EXOC6B: variants seen among roughly 807,000 people sequenced by gnomAD.
EXOC6B encodes the protein exocyst complex component 6B, also known as SEC15 homolog B.
Under a neutral mutation model 113.5 loss-of-function variants are expected in EXOC6B, and 54 were observed. The observed-to-expected ratio is 0.48, with a 90% confidence interval of 0.38 to 0.60. The LOEUF is 0.60. Among genes scored for constraint, EXOC6B ranks in the 20% least tolerant of loss-of-function variants. EXOC6B has a pLI of 0.00. For synonymous variants in EXOC6B, 357 were observed against 339.0 expected (o/e 1.05, Z -0.58); for missense variants, 797 against 977.5 (o/e 0.82, Z 2.46).
At chr2:72,489,967 C>T (rs1699654241) in intron 16 of EXOC6B, among the ~76,000 whole-genome samples, 1 of 152,080 alleles carries the variant, frequency 6.6e-6, no homozygotes, top group Non-Finnish European at 1.5e-5. Flanking sequence ...ACAGAGCAAA[C>T]ACTGTGTAAC....
In EXOC6B at chr2:72,176,941, C is replaced by T. The variant is rs1444177923; in HGVS notation, c.*2394G>A. 1 of 152,164 alleles carries T rather than the reference C, an allele frequency of 6.6e-6. No individual in the cohort carries two copies. The highest frequency in any genetic ancestry group is 1.5e-5 in the Non-Finnish European group (1 of 68,022). The allele number at this position is 152,164 out of a possible 1,614,324, so 9.4% of individuals were successfully genotyped here. On this transcript the variant is annotated 3_prime_UTR_variant, in exon 22 of 22. Coordinates refer to ENST00000272427, the MANE Select transcript of EXOC6B (RefSeq NM_015189.3). Reference sequence around the variant, plus strand: ...CAAGTCCTCTCAAGGGTTGGCCCAGCTACAGGTTATAGACAAAACTAAAAA... The same window carrying T: ...CAAGTCCTCTCAAGGGTTGGCCCAGTTACAGGTTATAGACAAAACTAAAAA...
intron 6 of EXOC6B, among the ~76,000 whole-genome samples, chr2:72,655,431 T>C (rs1305481451): frequency 6.6e-6 from 1 of 151,942 alleles, no homozygotes; most frequent in East Asian, 1.9e-4. Flanking sequence ...GAAGATACAT[T>C]CTGAAGAGAA....
intron 1 of EXOC6B, among the ~76,000 whole-genome samples, chr2:72,761,045 T>C (rs537465197): frequency 6.6e-6 from 1 of 152,170 alleles, no homozygotes; most frequent in East Asian, 1.9e-4. Context: ...CTGGGTGTGG[T>C]GGTGTGCACC....
chr2:72,807,949 A>G (rs1264431059), intron 1 of EXOC6B, among the ~76,000 whole-genome samples: 1 of 152,212 alleles, frequency 6.6e-6, no homozygotes, highest in East Asian at 1.9e-4. Context: ...ACTAACTAAA[A>G]GATTATAACT....
intron 19 of EXOC6B, among the ~76,000 whole-genome samples, chr2:72,344,672 T>G (rs1330851053): frequency 6.6e-6 from 1 of 152,164 alleles, no homozygotes; most frequent in Non-Finnish European, 1.5e-5. Context: ...ATATGTAAAC[T>G]CAGGTCCTCT....
intron 18 of EXOC6B, among the ~76,000 whole-genome samples, chr2:72,443,720 T>C (rs553940418): frequency 3.9e-5 from 6 of 152,274 alleles, no homozygotes; most frequent in African/African-American, 1.4e-4. Context: ...GGAACTCCCC[T>C]TTTTAAAAAC....
intron 19 of EXOC6B, among the ~76,000 whole-genome samples, chr2:72,357,779 G>A (rs927793150): frequency 6.6e-6 from 1 of 151,858 alleles, no homozygotes; most frequent in Non-Finnish European, 1.5e-5. Context: ...ACACATTACC[G>A]CTTCTGTTTA....
At chr2:72,265,947 T>G (rs1684052695) in intron 20 of EXOC6B, among the ~76,000 whole-genome samples, 1 of 151,948 alleles carries the variant, frequency 6.6e-6, no homozygotes, top group African/African-American at 2.4e-5. Flanking sequence ...ATTGCCATTC[T>G]AACTGGTGTG....
At chr2:72,212,618 T>C (rs989971479) in intron 20 of EXOC6B, among the ~76,000 whole-genome samples, 3 of 152,228 alleles carry the variant, frequency 2.0e-5, no homozygotes, top group African/African-American at 7.2e-5. Context: ...TTGCAACTTG[T>C]ATCCTTCCAG....
chr2:72,733,096 C>G lies in EXOC6B; in HGVS notation c.302G>C (p.Arg101Thr). The G allele has an allele frequency of 6.3e-7, 1 of 1,593,724 alleles. No individual in the cohort carries two copies. Among genetic ancestry groups the G allele is most frequent in the African/African-American group, 1.3e-5 (1 of 74,768 alleles). ...TTCCTTTCCCTCATGTTGTAGTTTT[C>G]TATTAGTATCCGTCACTTGATTCTG... ...KLKNQVTDTN[R>T]KLQHEGKELV... is the part of the protein sequence containing the mutation. The change falls in exon 3 of 22, where the codon AGA (arginine) becomes ACA (threonine). Residue 101 changes from arginine (R) to threonine (T), a missense_variant. Coordinates refer to ENST00000272427, the MANE Select transcript of EXOC6B (RefSeq NM_015189.3).
chr2:72,572,434 C>T (rs894196346), intron 7 of EXOC6B, among the ~76,000 whole-genome samples: 1 of 152,100 alleles, frequency 6.6e-6, no homozygotes, highest in Non-Finnish European at 1.5e-5. Context: ...AAAATGAATT[C>T]CACAAACCCC....
intron 16 of EXOC6B, among the ~76,000 whole-genome samples, chr2:72,488,819 T>A (rs899292198): frequency 2.0e-5 from 3 of 152,198 alleles, no homozygotes; most frequent in South Asian, 4.1e-4. Context: ...CCATGGTCAA[T>A]GTGATCCTCT....
intron 1 of EXOC6B, among the ~76,000 whole-genome samples, chr2:72,804,911 TA>T (rs1300418772): frequency 1.3e-5 from 2 of 152,052 alleles, no homozygotes; most frequent in Non-Finnish European, 2.9e-5. Flanking sequence ...TTTAAACTCT[TA>T]AAAAAGATAT....
intron 18 of EXOC6B, among the ~76,000 whole-genome samples, chr2:72,411,564 C>T (rs1387575172): frequency 6.6e-6 from 1 of 152,120 alleles, no homozygotes; most frequent in Non-Finnish European, 1.5e-5. Flanking sequence ...CCCCTGTGCA[C>T]TTGGTGGTGG....
chr2:72,338,979 A>C (rs553585446), intron 19 of EXOC6B, among the ~76,000 whole-genome samples: 1 of 152,098 alleles, frequency 6.6e-6, no homozygotes, highest in South Asian at 2.1e-4. Flanking sequence ...ACACATACAC[A>C]TACACATTAT....
In EXOC6B at chr2:72,436,336, T is replaced by C. The variant is rs1342156629; in HGVS notation, c.1980+28824A>G. Among the ~76,000 whole-genome samples the C allele has an allele frequency of 2.0e-5, 3 of 152,182 alleles. 1 individual carries two copies. The highest frequency in any genetic ancestry group is 2.0e-4 in the Admixed American group (3 of 15,284). On this transcript the variant is annotated intron_variant, in intron 18 of 21. Transcript: ENST00000272427. ...CTCTCTGTCTGCCCTTAACATTTTT[T>C]CCTTCATTTCAACATTGGTGAATCT...
chr2:72,391,686 TA>T lies in EXOC6B; in HGVS notation c.1981-11817del, dbSNP rs753433552. 2.4e-3 allele frequency among the ~76,000 whole-genome samples: 362 copies of T among 152,290 alleles called. 3 individuals carry two copies. The highest frequency in any genetic ancestry group is 1.2e-3 in the Non-Finnish European group (81 of 68,032). ...TTCTGGGACTCCAAATATATCCATT[TA>T]AAACCTTTCAACTGTGTTCCACCTA... On this transcript the variant is annotated intron_variant, in intron 18 of 21. Transcript: ENST00000272427.
intron 18 of EXOC6B, among the ~76,000 whole-genome samples, chr2:72,437,260 T>C (rs1695937125): frequency 6.6e-6 from 1 of 152,212 alleles, no homozygotes; most frequent in Non-Finnish European, 1.5e-5. Context: ...GCCTGCTCCT[T>C]CTGTTGGAAG....
chr2:72,790,982 T>G (rs527514691), intron 1 of EXOC6B, among the ~76,000 whole-genome samples: 1 of 152,116 alleles, frequency 6.6e-6, no homozygotes, highest in Non-Finnish European at 1.5e-5. Context: ...GGTGCATGGA[T>G]ACAAAATTAC....
Sources: allele counts gnomAD v4.1 joint callset (sites outside exome capture counted in the v4.1 genomes callset), GRCh38; gene constraint gnomAD v4.1.1; transcripts MANE v1.5; gene names NCBI Gene and HGNC (gene_info 2026-07-23, HGNC 2026-07-21).